The following CSPP1 variants were observed in gnomAD, a reference collection of about 807,000 sequenced individuals.
CSPP1 encodes the protein centrosome and spindle pole associated protein 1, also known as centrosome and spindle pole-associated protein 1.
Under a neutral mutation model 164.4 loss-of-function variants are expected in CSPP1, and 126 were observed. That is an observed-to-expected ratio of 0.77 (90% confidence interval 0.66 to 0.89). The LOEUF (loss-of-function observed/expected upper bound fraction) is 0.89, where lower values mean the gene tolerates loss of function less well. Ranked by LOEUF, CSPP1 falls within the 40% of genes least tolerant of loss-of-function variation. The pLI is 0.00. For missense variants in CSPP1, 1,395 were observed against 1,449.8 expected, an observed-to-expected ratio of 0.96 and a Z score of 0.61; for synonymous variants, 472 against 476.7, an observed-to-expected ratio of 0.99 and a Z score of 0.13.
intron 16 of CSPP1, among the ~76,000 whole-genome samples, chr8:67,136,962 C>A (rs1028881182): frequency 1.3e-5 from 2 of 151,772 alleles, no homozygotes; most frequent in Admixed American, 6.6e-5. Context: ...TGTATTCTAG[C>A]CATTGAATTA....
At chr8:67,163,678 G>T in intron 22 of CSPP1, 54 bp from the exon 23 acceptor site, 1 of 1,331,400 alleles carries the variant, frequency 7.5e-7, no homozygotes, top group South Asian at 1.2e-5. Flanking sequence ...CTCCCTTCAA[G>T]CTTCTGTGTA....
rs773951141 is a variant in CSPP1, at chr8:67,095,547, T to C, written c.738T>C (p.His246=). 16 of 1,613,634 alleles carry C rather than the reference T, an allele frequency of 9.9e-6. No homozygotes were observed. In the East Asian group the frequency reaches 3.6e-4, roughly 36 times the overall value. Residue 246 remains histidine (H), a synonymous_variant, in exon 7 of 31, where the codon CAT becomes CAC. Coordinates refer to ENST00000678616, the MANE Select transcript of CSPP1 (RefSeq NM_001382391.1). ...NEEVGISNLK[H]QRFASKAGIP... ...AAGTGGGCATTTCCAACCTAAAACA[T>C]CAAAGGTTTGCAAGCAAGGCTGGCA... is the stretch of plus-strand genomic sequence containing the variant.
At position 67,193,551 on chromosome 8, in the gene CSPP1, G is replaced by A. The variant is rs1264258416; in HGVS notation, c.3418G>A (p.Glu1140Lys). The A allele has an allele frequency of 1.2e-6, 2 of 1,613,752 alleles. No individual in the cohort carries two copies. The highest frequency in any genetic ancestry group is 2.7e-5 in the African/African-American group (2 of 74,940). Residue 1140 changes from glutamate to lysine, a missense_variant, in exon 30 of 31, where the codon GAG becomes AAG. Transcript: ENST00000678616. Reference protein sequence around the residue: ...VNVDELRVRNEERMRRLNEFH... With the variant: ...VNVDELRVRNKERMRRLNEFH... Reference sequence around the variant, plus strand: ...TGTTGATGAGCTTAGAGTGAGAAATGAGGAACGAATGCGAAGACTGAATGA... The same window carrying A: ...TGTTGATGAGCTTAGAGTGAGAAATAAGGAACGAATGCGAAGACTGAATGA...
intron 24 of CSPP1, among the ~76,000 whole-genome samples, chr8:67,168,459 C>T (rs1049398221): frequency 4.6e-5 from 7 of 152,018 alleles, no homozygotes; most frequent in East Asian, 1.9e-4. Flanking sequence ...TCAATTTTCT[C>T]GCTTGAAAAT....
intron 3 of CSPP1, among the ~76,000 whole-genome samples, chr8:67,084,511 G>T (rs530321352): frequency 6.6e-6 from 1 of 152,250 alleles, no homozygotes; most frequent in South Asian, 2.1e-4. Context: ...ACAAAATGGT[G>T]ATTTTTATAT....
In CSPP1 at chr8:67,164,330, A is replaced by C. The variant is rs1828908598; in HGVS notation, c.2711-61A>C. 3.8e-6 allele frequency: 3 copies of C among 787,930 alleles called. No individual in the cohort carries two copies. In the African/African-American group the frequency reaches 5.2e-5, roughly 14 times the overall value. The allele number at this position is 787,930 out of a possible 1,614,324, so 48.8% of individuals were successfully genotyped here. ...TTTATTATTAGTCAGGTTGTGTTTT[A>C]ATGTTTAGTCTTTTGTTCTTATTCC... On this transcript the variant is annotated intron_variant, in intron 23 of 30. Coordinates refer to ENST00000678616, the MANE Select transcript of CSPP1 (RefSeq NM_001382391.1).
intron 17 of CSPP1, among the ~76,000 whole-genome samples, chr8:67,144,904 TAA>T (rs771851246): frequency 1.3e-4 from 16 of 125,752 alleles, no homozygotes; most frequent in Admixed American, 2.4e-4. Context: ...CTATCTCTAC[TAA>T]AAAAAAAAAA....
At chr8:67,135,674 A>C (rs540012824) in intron 16 of CSPP1, 1 of 152,378 alleles carries the variant, frequency 6.6e-6, no homozygotes, top group African/African-American at 2.4e-5. Context: ...TATAACAGCA[A>C]TAAGGCTGTT....
rs1312501544 is a variant in CSPP1, at chr8:67,120,624, C to T, written c.1697+1803C>T. Among the ~76,000 whole-genome samples, 5 of 152,102 alleles carry T rather than the reference C, an allele frequency of 3.3e-5. No individual in the cohort carries two copies. In the Middle Eastern group the frequency reaches 0.01, roughly 310 times the overall value. ...AGTATTTTATTCTTTTGGATGCTTT[C>T]ATAAATGGAATTCCTTTCATAATTT... is the stretch of plus-strand genomic sequence containing the variant. On this transcript the variant is annotated intron_variant, in intron 15 of 30. Coordinates refer to ENST00000678616, the MANE Select transcript of CSPP1 (RefSeq NM_001382391.1).
In CSPP1 at chr8:67,077,375, G is replaced by A. The variant is rs556071986; in HGVS notation, c.199+794G>A. ...CTTCAAGGCTGAGTCTGACCCTGTC[G>A]CCCAGGCTGGAGTGCAGTGGCACGA... is the stretch of plus-strand genomic sequence containing the variant. On this transcript the variant is annotated intron_variant, in intron 3 of 30. Transcript: ENST00000678616. 3.3e-5 allele frequency among the ~76,000 whole-genome samples: 5 copies of A among 149,772 alleles called. No homozygotes were observed. The South Asian group carries it at 6.4e-4, about 19-fold the overall frequency.
rs571381732 is a variant in CSPP1 at position 67,162,863 on chromosome 8, T to G, written c.2644-869T>G. Among the ~76,000 whole-genome samples the G allele has an allele frequency of 2.6e-5, 4 of 152,284 alleles. 1 individual carries two copies. In the South Asian group the frequency reaches 8.3e-4, roughly 32 times the overall value. On this transcript the variant is annotated intron_variant, in intron 22 of 30. Coordinates refer to ENST00000678616, the MANE Select transcript of CSPP1 (RefSeq NM_001382391.1). Reference sequence around the variant, plus strand: ...ATAACTTTCAAGTTTTTGGTGAGGGTTACATAGAGTAGGCAGTTGAAAATA... The same window carrying G: ...ATAACTTTCAAGTTTTTGGTGAGGGGTACATAGAGTAGGCAGTTGAAAATA...
At chr8:67,120,816 T>G (rs925371965) in intron 15 of CSPP1, among the ~76,000 whole-genome samples, 2 of 152,024 alleles carry the variant, frequency 1.3e-5, no homozygotes, top group Non-Finnish European at 2.9e-5. Context: ...TAATTTTACT[T>G]TTTCTTTCTG....
At chr8:67,153,883 C>A in intron 18 of CSPP1, 141 bp from the exon 19 acceptor site, 1 of 529,012 alleles carries the variant, frequency 1.9e-6, no homozygotes, top group Non-Finnish European at 3.3e-6. Flanking sequence ...AGATTCTAAT[C>A]TCAACCTTCC....
intron 17 of CSPP1, among the ~76,000 whole-genome samples, chr8:67,138,160 C>G (rs78403431): frequency 0.023 from 3,496 of 152,246 alleles, 148 homozygotes; most frequent in African/African-American, 0.08. Flanking sequence ...ATCTAGTAAT[C>G]ACACAACAAA....
chr8:67,102,682 T>C (rs1323460112), intron 7 of CSPP1, among the ~76,000 whole-genome samples: 1 of 152,230 alleles, frequency 6.6e-6, no homozygotes, highest in Non-Finnish European at 1.5e-5. Context: ...TTGACTATAA[T>C]CTTTGTGAGT....
chr8:67,163,947 A>G lies in CSPP1; in HGVS notation c.2710+149A>G. ...TTCTCCAACTTTCCCCTGGGGTAAC[A>G]TCTTAGATAGTATAGTCTCATAGCC... is the stretch of plus-strand genomic sequence containing the variant. On this transcript the variant is annotated intron_variant, in intron 23 of 30. Coordinates refer to ENST00000678616, the MANE Select transcript of CSPP1 (RefSeq NM_001382391.1). The G allele has an allele frequency of 4.9e-6, 3 of 614,824 alleles. No homozygotes were observed. In the Admixed American group the frequency reaches 9.3e-5, roughly 19 times the overall value. The allele number at this position is 614,824 out of a possible 1,614,324, so 38.1% of individuals were successfully genotyped here. A position where few individuals can be genotyped will look rare whatever the true frequency, so the allele number is the denominator to read the frequency against.
chr8:67,097,870 T>C (rs1362936945), intron 7 of CSPP1, among the ~76,000 whole-genome samples: 1 of 151,878 alleles, frequency 6.6e-6, no homozygotes, highest in African/African-American at 2.4e-5. Context: ...AAACATGAGG[T>C]TGAGTGAGAA....
intron 15 of CSPP1, among the ~76,000 whole-genome samples, chr8:67,121,118 C>G (rs746579872): frequency 1.4e-4 from 22 of 152,040 alleles, no homozygotes; most frequent in Middle Eastern, 3.4e-3. Flanking sequence ...CTCCCAAAGT[C>G]CTGGGATTAC....
intron 10 of CSPP1, among the ~76,000 whole-genome samples, chr8:67,112,317 TTTC>T (rs1367771318): frequency 6.6e-6 from 1 of 151,816 alleles, no homozygotes. Context: ...CCCTCATTGA[TTTC>T]TTCAGTTTTT....
Sources: allele counts gnomAD v4.1 joint callset (sites outside exome capture counted in the v4.1 genomes callset), GRCh38; gene constraint gnomAD v4.1.1; transcripts MANE v1.5; gene names NCBI Gene and HGNC (gene_info 2026-07-23, HGNC 2026-07-21).